USH2A: variants seen among roughly 807,000 people sequenced by gnomAD.
The protein encoded by USH2A is Usher syndrome 2A (autosomal recessive, mild).
Under a neutral mutation model 538.9 loss-of-function variants are expected in USH2A, and 443 were observed. The observed-to-expected ratio is 0.82, with a 90% confidence interval of 0.76 to 0.89. The LOEUF (loss-of-function observed/expected upper bound fraction) is 0.89. USH2A is among the 40% of genes least tolerant of loss of function. The probability of loss-of-function intolerance (pLI) is 0.00; values close to 1 mark genes in which losing one functional copy is unlikely to be tolerated. For synonymous variants in USH2A, 2,413 were observed against 2,273.5 expected, an observed-to-expected ratio of 1.06 and a Z score of -1.75; for missense variants, 6,633 against 6,324.8, an observed-to-expected ratio of 1.05 and a Z score of -1.65.
chr1:215,803,140 A>G (rs1662389089), intron 49 of USH2A, among the ~76,000 whole-genome samples: 2 of 152,166 alleles, frequency 1.3e-5, no homozygotes, highest in South Asian at 2.1e-4. Flanking sequence ...TCTCAAAATA[A>G]TAAGAGCTAT....
At chr1:216,081,916 T>C (rs1430952983) in intron 26 of USH2A, among the ~76,000 whole-genome samples, 1 of 151,950 alleles carries the variant, frequency 6.6e-6, no homozygotes, top group African/African-American at 2.4e-5. Context: ...TAATTTTTTT[T>C]TTTTAGTAAG....
At chr1:216,286,239 G>A (rs2036881380) in intron 11 of USH2A, among the ~76,000 whole-genome samples, 1 of 152,112 alleles carries the variant, frequency 6.6e-6, no homozygotes. Context: ...AATCATGGGG[G>A]CAGTTTCCCC....
intron 65 of USH2A, among the ~76,000 whole-genome samples, chr1:215,650,023 A>G (rs1474231318): frequency 6.6e-6 from 1 of 152,184 alleles, no homozygotes; most frequent in African/African-American, 2.4e-5. Flanking sequence ...AGTGTGCCTC[A>G]AACGTGTTAA....
chr1:216,044,092 T>C lies in USH2A; in HGVS notation c.6325+2339A>G, dbSNP rs1233565448. On this transcript the variant is annotated intron_variant, in intron 32 of 71. Transcript: ENST00000307340. Reference sequence around the variant, plus strand: ...GATGCAGTAATGAAAAAAACAAATATAGTTGTGTCCTTAATGATCATTATG... The same window carrying C: ...GATGCAGTAATGAAAAAAACAAATACAGTTGTGTCCTTAATGATCATTATG... Among the ~76,000 whole-genome samples, 3 of 152,204 alleles carry C rather than the reference T, an allele frequency of 2.0e-5. No homozygotes were observed. In the East Asian group the frequency reaches 5.8e-4, roughly 29 times the overall value.
chr1:216,162,854 C>T (rs2034086492), intron 21 of USH2A, among the ~76,000 whole-genome samples: 1 of 152,058 alleles, frequency 6.6e-6, no homozygotes. Flanking sequence ...ATCTTCTCTA[C>T]TATGTTTCTC....
intron 44 of USH2A, among the ~76,000 whole-genome samples, chr1:215,859,395 G>T (rs12406554): frequency 0.02 from 2,989 of 152,096 alleles, 42 homozygotes; most frequent in Non-Finnish European, 0.027. Flanking sequence ...TCAGCCAGGC[G>T]TGGTGGGATG....
intron 42 of USH2A, 71 bp downstream of exon 42, chr1:215,878,693 T>C: frequency 6.0e-6 from 9 of 1,492,344 alleles, no homozygotes; most frequent in East Asian, 2.3e-5. Flanking sequence ...AATAAAAGCC[T>C]CCTTCATTTC....
intron 44 of USH2A, among the ~76,000 whole-genome samples, chr1:215,856,367 G>C (rs935810886): frequency 1.3e-5 from 2 of 152,082 alleles, no homozygotes; most frequent in Admixed American, 1.3e-4. Flanking sequence ...AAGTCAAAAA[G>C]TGGGCTAAAG....
intron 32 of USH2A, among the ~76,000 whole-genome samples, chr1:216,006,715 T>G (rs945505102): frequency 1.3e-5 from 2 of 152,180 alleles, no homozygotes; most frequent in African/African-American, 4.8e-5. Flanking sequence ...GACAATTCTC[T>G]TGAGGAACCA....
chr1:215,782,008 C>T, intron 54 of USH2A, 34 bp downstream of exon 54: 1 of 1,613,232 alleles, frequency 6.2e-7, no homozygotes, highest in South Asian at 1.1e-5. Context: ...CACACTGAAC[C>T]CCTTTTCCCA....
Position 215,639,257 on chromosome 1 carries a change from TG to T in USH2A, c.14969-20del. ...AAGAAGGCTAGACAAAAGGAAGAACTGGTAAATGACTTGTTCATTCAACACC... is the reference window on the plus strand; with the variant it reads ...AAGAAGGCTAGACAAAAGGAAGAACTGTAAATGACTTGTTCATTCAACACC... On this transcript the variant is annotated intron_variant, in intron 68 of 71. Transcript: ENST00000307340. 3 of 1,612,942 alleles carry T rather than the reference TG, an allele frequency of 1.9e-6. No homozygotes were observed. Among genetic ancestry groups the T allele is most frequent in the Non-Finnish European group, 2.5e-6 (3 of 1,178,930 alleles).
rs111834885 is a variant in USH2A, at chr1:215,964,766, G to T, written c.7120+551C>A. On this transcript the variant is annotated intron_variant, in intron 37 of 71. Coordinates refer to ENST00000307340, the MANE Select transcript of USH2A (RefSeq NM_206933.4). ...ATGCTACCATAGCACCTAACTTATT[G>T]AATCAGATAGTTTTTGAAAATACTT... is the stretch of plus-strand genomic sequence containing the variant. Among the ~76,000 whole-genome samples the T allele has an allele frequency of 4.5e-3, 689 of 152,172 alleles. 9 individuals are homozygous for T. The highest frequency in any genetic ancestry group is 0.015 in the African/African-American group (617 of 41,526).
intron 35 of USH2A, among the ~76,000 whole-genome samples, chr1:215,974,657 A>G (rs1667580384): frequency 6.6e-6 from 1 of 152,164 alleles, no homozygotes; most frequent in Non-Finnish European, 1.5e-5. Flanking sequence ...TGTTGCTGCA[A>G]AAGACATGAT....
rs890382898 is a variant in USH2A, at chr1:216,044,926, G to A, written c.6325+1505C>T. ...AAAGTAATTGTTCTTGTCCTTTTAA[G>A]GTTCTCAGACTAGAGGGGGGCCAAA... On this transcript the variant is annotated intron_variant, in intron 32 of 71. Transcript: ENST00000307340. Among the ~76,000 whole-genome samples the A allele has an allele frequency of 4.6e-5, 7 of 152,188 alleles. No homozygotes were observed. In the East Asian group the frequency reaches 1.3e-3, roughly 29 times the overall value.
intron 61 of USH2A, among the ~76,000 whole-genome samples, chr1:215,710,922 C>T (rs1347594321): frequency 1.3e-5 from 2 of 151,730 alleles, no homozygotes; most frequent in Non-Finnish European, 2.9e-5. Flanking sequence ...TATTTGCTGG[C>T]TCCATTTCTT....
chr1:216,196,411 C>T, intron 19 of USH2A, 142 bp downstream of exon 19: 4 of 814,912 alleles, frequency 4.9e-6, no homozygotes, highest in South Asian at 3.3e-5. Context: ...GAGGCTTGTA[C>T]ACATAATATT....
At chr1:215,693,259 G>C (rs1181596900) in intron 61 of USH2A, among the ~76,000 whole-genome samples, 1 of 151,788 alleles carries the variant, frequency 6.6e-6, no homozygotes, top group Admixed American at 6.6e-5. Flanking sequence ...GGGATTACAG[G>C]TATGAGCCAC....
At chr1:216,335,550 G>C (rs1024488074) in intron 4 of USH2A, among the ~76,000 whole-genome samples, 1 of 151,364 alleles carries the variant, frequency 6.6e-6, no homozygotes, top group African/African-American at 2.4e-5. Context: ...GCCAAGAAAA[G>C]AGATGACTCT....
chr1:215,771,221 G>C (rs370817454), intron 55 of USH2A, among the ~76,000 whole-genome samples: 216 of 151,816 alleles, frequency 1.4e-3, no homozygotes, highest in African/African-American at 4.8e-3. Flanking sequence ...AACTGGGTTA[G>C]GCTTCCCAGC....
Sources: allele counts gnomAD v4.1 joint callset (sites outside exome capture counted in the v4.1 genomes callset), GRCh38; gene constraint gnomAD v4.1.1; transcripts MANE v1.5; gene names NCBI Gene and HGNC (gene_info 2026-07-23, HGNC 2026-07-21).